Variants in SYNJ1 observed in about 807,000 individuals in gnomAD.
SYNJ1 encodes the protein synaptojanin 1.
Under a neutral mutation model 168.2 loss-of-function variants are expected in SYNJ1, and 78 were observed. The observed-to-expected ratio is 0.46, with a 90% CI of 0.39 to 0.56. SYNJ1 has a LOEUF of 0.56. Ranked by LOEUF, SYNJ1 falls within the 20% of genes least tolerant of loss-of-function variation. The pLI is 0.00. For synonymous variants in SYNJ1, 539 were observed against 548.6 expected (o/e 0.98, Z 0.24); for missense variants, 1,303 against 1,597.6 (o/e 0.82, Z 3.14).
At chr21:32,631,946 G>A (rs1432634770) in intron 32 of SYNJ1, 145 bp from the exon 33 acceptor site, 20 of 698,820 alleles carry the variant, frequency 2.9e-5, no homozygotes, top group Admixed American at 6.3e-5. Flanking sequence ...TTGTTACTCC[G>A]GTGGTTTAAA....
intron 27 of SYNJ1, among the ~76,000 whole-genome samples, chr21:32,642,632 A>G (rs904892144): frequency 2.6e-5 from 4 of 152,218 alleles, no homozygotes; most frequent in African/African-American, 9.6e-5. Context: ...TTATGATGAG[A>G]TCTTTCGGAT....
At chr21:32,684,814 A>C (rs973120848) in intron 9 of SYNJ1, among the ~76,000 whole-genome samples, 2 of 152,210 alleles carry the variant, frequency 1.3e-5, no homozygotes, top group Non-Finnish European at 2.9e-5. Context: ...CTTGCTAATT[A>C]TGAGACTTGC....
At position 32,727,940 on chromosome 21, in the gene SYNJ1, G is replaced by A. The variant is rs1215119963; in HGVS notation, c.-23+6C>T. On this transcript the variant is annotated splice_donor_region_variant and intron_variant, in intron 1 of 32. Coordinates refer to ENST00000674351, the MANE Select transcript of SYNJ1 (RefSeq NM_203446.3). The stretch of plus-strand genomic sequence containing the variant: ...GCAGCTCCCCGCCCCCCGCCGGCTT[G>A]CTCACCTCTTCCTCCGGCTCCTCCT... 4 of 1,532,490 alleles carry A rather than the reference G, an allele frequency of 2.6e-6. No individual in the cohort carries two copies. The highest frequency in any genetic ancestry group is 1.4e-5 in the African/African-American group (1 of 72,440). 94.9% of individuals were successfully genotyped at this position (1,532,490 alleles called of 1,614,324 possible). A position where few individuals can be genotyped will look rare whatever the true frequency, so the allele number is the denominator to read the frequency against.
At chr21:32,666,283 G>C (rs766849513) in intron 16 of SYNJ1, 148 bp from the exon 17 acceptor site, 8 of 1,424,176 alleles carry the variant, frequency 5.6e-6, no homozygotes, top group Non-Finnish European at 7.6e-6. Flanking sequence ...AGCTATTGGT[G>C]AGTCTTTAAT....
chr21:32,672,780 A>G (rs2041256648), intron 14 of SYNJ1, among the ~76,000 whole-genome samples: 2 of 152,236 alleles, frequency 1.3e-5, no homozygotes, highest in African/African-American at 4.8e-5. Flanking sequence ...ATAAGTACCA[A>G]TAAATATCAC....
In SYNJ1 at chr21:32,711,480, G is replaced by A. The variant is rs189079444; in HGVS notation, c.125-9433C>T. Among the ~76,000 whole-genome samples the A allele has an allele frequency of 8.6e-5, 13 of 151,982 alleles. No individual in the cohort carries two copies. In the East Asian group the frequency reaches 2.1e-3, roughly 25 times the overall value. Reference sequence around the variant, plus strand: ...CCAGAGTAGCTGGGACTACAGGCGCGCGCCACCATGCCCAGCTAATTTTTG... The same window carrying A: ...CCAGAGTAGCTGGGACTACAGGCGCACGCCACCATGCCCAGCTAATTTTTG... On this transcript the variant is annotated intron_variant, in intron 2 of 32. Transcript: ENST00000674351.
Position 32,665,079 on chromosome 21 carries a change from C to A in SYNJ1, c.2146-8G>T. Reference sequence around the variant, plus strand: ...GGAAAATAGCATCCTTCCCTGAAAGCAATGAGATAGAATTTTAAATTCAAA... The same window carrying A: ...GGAAAATAGCATCCTTCCCTGAAAGAAATGAGATAGAATTTTAAATTCAAA... On this transcript the variant is annotated splice_region_variant and splice_polypyrimidine_tract_variant and intron_variant, in intron 17 of 32. Coordinates refer to ENST00000674351, the MANE Select transcript of SYNJ1 (RefSeq NM_203446.3). The A allele has an allele frequency of 6.3e-7, 1 of 1,574,936 alleles. No individual in the cohort carries two copies. Among genetic ancestry groups the A allele is most frequent in the Non-Finnish European group, 8.6e-7 (1 of 1,159,600 alleles).
rs1396328144 is a variant in SYNJ1 at position 32,650,215 on chromosome 21, A to G, written c.3006T>C (p.Asp1002=). The G allele has an allele frequency of 5.6e-6, 9 of 1,609,812 alleles. No homozygotes were observed. The highest frequency in any genetic ancestry group is 7.6e-6 in the Non-Finnish European group (9 of 1,178,982). The change falls in exon 23 of 33, where the codon GAT becomes GAC. Residue 1002 remains aspartate (D), a synonymous_variant. Transcript: ENST00000674351. The part of the protein sequence containing the change: ...SSTSSTLLGE[D]AEVAADFDME... ...TATCAAAATCTGCTGCAACCTCTGC[A>G]TCTTCACCAAGCAGGGTAGAGCTTG...
At chr21:32,725,375 A>T (rs2043408270) in intron 2 of SYNJ1, among the ~76,000 whole-genome samples, 1 of 152,226 alleles carries the variant, frequency 6.6e-6, no homozygotes, top group Non-Finnish European at 1.5e-5. Flanking sequence ...TTAATACTGT[A>T]CCAAGGTATA....
chr21:32,651,448 T>C (rs539430868), intron 22 of SYNJ1, among the ~76,000 whole-genome samples: 1 of 152,354 alleles, frequency 6.6e-6, no homozygotes, highest in South Asian at 2.1e-4. Context: ...GCATCCACAC[T>C]GAGCTTTAAA....
At chr21:32,714,339 G>A (rs141352465) in intron 2 of SYNJ1, among the ~76,000 whole-genome samples, 1 of 152,268 alleles carries the variant, frequency 6.6e-6, no homozygotes, top group East Asian at 1.9e-4. Context: ...AGAGTATTAG[G>A]CAGGGGATTA....
At chr21:32,706,268 A>T (rs1190234902) in intron 2 of SYNJ1, among the ~76,000 whole-genome samples, 2 of 152,232 alleles carry the variant, frequency 1.3e-5, no homozygotes, top group Non-Finnish European at 2.9e-5. Context: ...AATAAAATGT[A>T]CACATCTGAA....
rs113711077 is a variant in SYNJ1 at position 32,682,334 on chromosome 21, C to T, written c.1201-686G>A. The stretch of plus-strand genomic sequence containing the variant: ...CTATAAATCTGACAGAGTCAATGTT[C>T]GATCTTTATCCAATCTGTGTATTTG... On this transcript the variant is annotated intron_variant, in intron 10 of 32. Coordinates refer to ENST00000674351, the MANE Select transcript of SYNJ1 (RefSeq NM_203446.3). Among the ~76,000 whole-genome samples, 11 of 152,210 alleles carry T rather than the reference C, an allele frequency of 7.2e-5. 1 individual carries two copies. The highest frequency in any genetic ancestry group is 2.6e-4 in the African/African-American group (11 of 41,548).
At chr21:32,697,270 C>A (rs1266167275) in intron 4 of SYNJ1, among the ~76,000 whole-genome samples, 2 of 152,232 alleles carry the variant, frequency 1.3e-5, no homozygotes, top group Admixed American at 6.5e-5. Flanking sequence ...ATGGTTGTAT[C>A]CTGGAAAATA....
chr21:32,721,605 G>C (rs1313673823), intron 2 of SYNJ1, among the ~76,000 whole-genome samples: 1 of 152,000 alleles, frequency 6.6e-6, no homozygotes, highest in Non-Finnish European at 1.5e-5. Flanking sequence ...CTTGAACCCA[G>C]GAGGCGGAGG....
At chr21:32,655,915 CTT>C (rs2040436538) in intron 21 of SYNJ1, among the ~76,000 whole-genome samples, 1 of 152,170 alleles carries the variant, frequency 6.6e-6, no homozygotes, top group Admixed American at 6.5e-5. Flanking sequence ...AGGAATGACT[CTT>C]GACTAGTCAT....
At chr21:32,669,734 G>A (rs1271252849) in intron 15 of SYNJ1, among the ~76,000 whole-genome samples, 1 of 152,108 alleles carries the variant, frequency 6.6e-6, no homozygotes, top group Non-Finnish European at 1.5e-5. Flanking sequence ...CTGTTTTGGT[G>A]TAGTATCAGA....
In SYNJ1 at chr21:32,632,521, G is replaced by A. The variant is rs559064241; in HGVS notation, c.*4-720C>T. Reference sequence around the variant, plus strand: ...GTGCCTCAGCCTCTTGAGTAGCTGGGACTACAGGCGTGTGCCACCAGGTCT... The same window carrying A: ...GTGCCTCAGCCTCTTGAGTAGCTGGAACTACAGGCGTGTGCCACCAGGTCT... On this transcript the variant is annotated intron_variant, in intron 32 of 32. Coordinates refer to ENST00000674351, the MANE Select transcript of SYNJ1 (RefSeq NM_203446.3). Among the ~76,000 whole-genome samples the A allele has an allele frequency of 4.6e-5, 7 of 152,196 alleles. No homozygotes were observed. The East Asian group carries it at 1.2e-3, about 25-fold the overall frequency.
chr21:32,659,013 C>T (rs1426692528), intron 18 of SYNJ1, among the ~76,000 whole-genome samples: 1 of 151,870 alleles, frequency 6.6e-6, no homozygotes, highest in Non-Finnish European at 1.5e-5. Context: ...GTGCTGAGGC[C>T]TGAAAAGGTA....
Sources: allele counts gnomAD v4.1 joint callset (sites outside exome capture counted in the v4.1 genomes callset), GRCh38; gene constraint gnomAD v4.1.1; transcripts MANE v1.5; gene names NCBI Gene and HGNC (gene_info 2026-07-23, HGNC 2026-07-21).